WNT6: variants seen among roughly 807,000 people sequenced by gnomAD.
WNT6 encodes protein Wnt-6.
Under a neutral mutation model 33.1 loss-of-function variants are expected in WNT6, and 27 were observed. That is an observed-to-expected ratio of 0.82 (90% CI 0.60 to 1.12). The LOEUF (loss-of-function observed/expected upper bound fraction) is 1.12, where lower values mean the gene tolerates loss of function less well. Ranked by LOEUF, WNT6 falls within the 50% of genes most tolerant of loss-of-function variation. The probability of loss-of-function intolerance (pLI) is 0.00; values close to 1 mark genes in which losing one functional copy is unlikely to be tolerated. For synonymous variants in WNT6, 249 were observed against 242.8 expected, an observed-to-expected ratio of 1.03 and a Z score of -0.24; for missense variants, 494 against 535.3, an observed-to-expected ratio of 0.92 and a Z score of 0.76.
At chr2:218,863,700 T>G (rs900421767) in intron 1 of WNT6, among the ~76,000 whole-genome samples, 2 of 151,984 alleles carry the variant, frequency 1.3e-5, no homozygotes, top group African/African-American at 4.8e-5. Flanking sequence ...AATACAAAAA[T>G]TAGCCAGGAG....
chr2:218,870,122 G>A (rs1944387888), intron 1 of WNT6, among the ~76,000 whole-genome samples: 1 of 151,972 alleles, frequency 6.6e-6, no homozygotes, highest in African/African-American at 2.4e-5. Context: ...TTGGGAGGCT[G>A]AGGCATGAGA....
At chr2:218,872,430 G>A (rs977070410) in intron 3 of WNT6, among the ~76,000 whole-genome samples, 2 of 152,172 alleles carry the variant, frequency 1.3e-5, no homozygotes, top group African/African-American at 4.8e-5. Context: ...TTTGCCAACT[G>A]GCTGCCCAGC....
intron 1 of WNT6, among the ~76,000 whole-genome samples, chr2:218,864,259 T>A (rs1255532909): frequency 6.6e-6 from 1 of 152,154 alleles, no homozygotes; most frequent in Non-Finnish European, 1.5e-5. Context: ...TTTTCTTTTC[T>A]TTTCTTTTTT....
Position 218,873,929 on chromosome 2 carries a change from C to A in WNT6, c.*84C>A. On this transcript the variant is annotated 3_prime_UTR_variant, in exon 4 of 4. Transcript: ENST00000233948. This position sits in a 1 kb window ranked among gnomAD's most constrained non-coding sequence, Gnocchi z 6.1. Reference sequence around the variant, plus strand: ...CAGGGCACCGGCACCGGGCGCCTCTCGCCGCTCGAGCCCAGCCTCTCCCTG... The same window carrying A: ...CAGGGCACCGGCACCGGGCGCCTCTAGCCGCTCGAGCCCAGCCTCTCCCTG... The A allele has an allele frequency of 1.5e-6, 2 of 1,321,380 alleles. No homozygotes were observed. The highest frequency in any genetic ancestry group is 3.3e-5 in the South Asian group (2 of 60,860). 81.9% of individuals were successfully genotyped at this position (1,321,380 alleles called of 1,614,324 possible). A position where few individuals can be genotyped will look rare whatever the true frequency, so the allele number is the denominator to read the frequency against.
chr2:218,862,737 G>A (rs1232379644), intron 1 of WNT6, among the ~76,000 whole-genome samples: 2 of 151,484 alleles, frequency 1.3e-5, no homozygotes, highest in Admixed American at 6.6e-5. Flanking sequence ...ACGGAGTCTC[G>A]TTGTGTCGCC....
In WNT6 at chr2:218,871,419, G is replaced by T; in HGVS notation, c.302-66G>T. The T allele has an allele frequency of 2.6e-6, 4 of 1,559,444 alleles. No homozygotes were observed. The highest frequency in any genetic ancestry group is 3.5e-6 in the Non-Finnish European group (4 of 1,151,882). ...CCCTGGGGCAGCCCTCCCGCCGCAG[G>T]TTTCAGGTCCCAGGCCCCAGCTGAC... On this transcript the variant is annotated intron_variant, in intron 2 of 3. Coordinates refer to ENST00000233948, the MANE Select transcript of WNT6 (RefSeq NM_006522.4). This position sits in a 1 kb window ranked among gnomAD's most constrained non-coding sequence, Gnocchi z 6.4.
intron 1 of WNT6, among the ~76,000 whole-genome samples, chr2:218,863,806 T>C (rs1944330994): frequency 6.6e-6 from 1 of 152,192 alleles, no homozygotes; most frequent in African/African-American, 2.4e-5. Context: ...CCGAGATCCA[T>C]GCCACTGCAC....
rs1302171406 is a variant in WNT6 at position 218,873,523 on chromosome 2, G to A, written c.776G>A (p.Arg259His). ...RLLERFHGAS[R>H]VMGTNDGKAL... ...CTGGAGCGCTTCCACGGCGCCTCACGCGTCATGGGCACCAACGACGGCAAG... is the reference window on the plus strand; with the variant it reads ...CTGGAGCGCTTCCACGGCGCCTCACACGTCATGGGCACCAACGACGGCAAG... Residue 259 changes from arginine to histidine, a missense_variant, in exon 4 of 4, where the codon CGC becomes CAC. Transcript: ENST00000233948. This position sits in a 1 kb window ranked among gnomAD's most constrained non-coding sequence, Gnocchi z 6.1. 4 of 1,538,144 alleles carry A rather than the reference G, an allele frequency of 2.6e-6. No individual in the cohort carries two copies. Among genetic ancestry groups the A allele is most frequent in the Admixed American group, 2.0e-5 (1 of 50,972 alleles).
intron 1 of WNT6, among the ~76,000 whole-genome samples, chr2:218,869,349 A>C (rs1944380454): frequency 6.6e-6 from 1 of 152,160 alleles, no homozygotes; most frequent in Non-Finnish European, 1.5e-5. Context: ...TAGTGTTGAG[A>C]GTTCTACCTT....
At chr2:218,860,529 G>T (rs1269343812) in intron 1 of WNT6, among the ~76,000 whole-genome samples, 1 of 152,152 alleles carries the variant, frequency 6.6e-6, no homozygotes, top group African/African-American at 2.4e-5. Context: ...CCCCTTCCCC[G>T]CCCTGCTTTG....
rs529113495 is a variant in WNT6 at position 218,871,297 on chromosome 2, G to A, written c.301+50G>A. 1.9e-6 allele frequency: 3 copies of A among 1,565,108 alleles called. No homozygotes were observed. Among genetic ancestry groups the A allele is most frequent in the Admixed American group, 3.5e-5 (2 of 57,646 alleles). On this transcript the variant is annotated intron_variant, in intron 2 of 3. Transcript: ENST00000233948. The surrounding 1 kb of genome is among the most constrained non-coding windows in gnomAD (Gnocchi z 6.4). ...TGGGGCTGCTTTCTCCCTGCTGTGG[G>A]ACCCGAGGAGAGGAGAACTGGTTCG... is the stretch of plus-strand genomic sequence containing the variant.
At chr2:218,862,759 G>A (rs373449832) in intron 1 of WNT6, among the ~76,000 whole-genome samples, 5 of 151,964 alleles carry the variant, frequency 3.3e-5, no homozygotes, top group Non-Finnish European at 5.9e-5. Flanking sequence ...AGGCTGGAGT[G>A]CAGTGGTGCA....
chr2:218,863,612 G>A (rs1327999021), intron 1 of WNT6, among the ~76,000 whole-genome samples: 1 of 152,202 alleles, frequency 6.6e-6, no homozygotes, highest in Non-Finnish European at 1.5e-5. Flanking sequence ...ACTTTGGAAG[G>A]CTGAGGTGGG....
At chr2:218,860,631 T>C (rs1021781919) in intron 1 of WNT6, among the ~76,000 whole-genome samples, 5 of 152,160 alleles carry the variant, frequency 3.3e-5, no homozygotes, top group Non-Finnish European at 5.9e-5. Context: ...GTCAGGACCC[T>C]GGTTTTCTCT....
At chr2:218,865,876 G>A (rs1944350172) in intron 1 of WNT6, among the ~76,000 whole-genome samples, 1 of 151,666 alleles carries the variant, frequency 6.6e-6, no homozygotes, top group African/African-American at 2.4e-5. Flanking sequence ...GAGAGATGGT[G>A]AGGAAGGGCA....
intron 1 of WNT6, among the ~76,000 whole-genome samples, chr2:218,866,933 G>C (rs1944358954): frequency 6.6e-6 from 1 of 152,176 alleles, no homozygotes; most frequent in Non-Finnish European, 1.5e-5. Flanking sequence ...GCCCCCAAAT[G>C]AGAGGCGCCC....
rs201848970 is a variant in WNT6, at chr2:218,871,106, T to C, written c.160T>C (p.Leu54=). ...GCGGCTGGCCGGGCGGCAGGCCGAG[T>C]TGTGCCAGGCTGAGCCGGAAGTGGT... ...ARRLAGRQAE[L]CQAEPEVVAE... is the part of the protein sequence containing the mutation. Residue 54 remains leucine, a synonymous_variant, in exon 2 of 4, where the codon TTG becomes CTG. Transcript: ENST00000233948. This position sits in a 1 kb window ranked among gnomAD's most constrained non-coding sequence, Gnocchi z 6.4. 1 of 1,613,520 alleles carries C rather than the reference T, an allele frequency of 6.2e-7. No individual in the cohort carries two copies. Among genetic ancestry groups the C allele is most frequent in the Non-Finnish European group, 8.5e-7 (1 of 1,179,842 alleles).
rs1186026127 is a variant in WNT6, at chr2:218,873,276, C to A, written c.637-108C>A. On this transcript the variant is annotated intron_variant, in intron 3 of 3. Transcript: ENST00000233948. This position sits in a 1 kb window ranked among gnomAD's most constrained non-coding sequence, Gnocchi z 6.1. Reference sequence around the variant, plus strand: ...GCGGTCTCCTTTTGTCTGCATTTTCCTCTCTTCCTTTCACCTCCCATTCCC... The same window carrying A: ...GCGGTCTCCTTTTGTCTGCATTTTCATCTCTTCCTTTCACCTCCCATTCCC... 3.5e-6 allele frequency: 4 copies of A among 1,140,750 alleles called. No individual in the cohort carries two copies. In the African/African-American group the frequency reaches 6.3e-5, roughly 18 times the overall value. The allele number at this position is 1,140,750 out of a possible 1,614,324, so 70.7% of individuals were successfully genotyped here. A position where few individuals can be genotyped will look rare whatever the true frequency, so the allele number is the denominator to read the frequency against.
At chr2:218,861,293 C>T (rs1944308380) in intron 1 of WNT6, among the ~76,000 whole-genome samples, 1 of 152,198 alleles carries the variant, frequency 6.6e-6, no homozygotes, top group African/African-American at 2.4e-5. Context: ...GACCCAGGTC[C>T]TATCTAGGGA....
Sources: gnomAD v4.1 joint callset for allele counts (sites outside exome capture counted in the v4.1 genomes callset) on GRCh38, gnomAD v4.1.1 for gene constraint, Gnocchi (gnomAD v3.1) non-coding constraint, MANE v1.5 for transcripts, NCBI Gene and HGNC (gene_info 2026-07-23, HGNC 2026-07-21) for gene names.